The following WNT3 variants were observed in gnomAD, a reference collection of about 807,000 sequenced individuals.
WNT3 encodes the protein Wnt family member 3, also known as proto-oncogene Wnt-3.
In WNT3, 7 loss-of-function variants were observed where a neutral mutation model predicts 34.2. That is an observed-to-expected ratio of 0.20 (90% CI 0.12 to 0.38). The LOEUF is 0.38. Ranked by LOEUF, WNT3 falls within the 10% of genes least tolerant of loss-of-function variation. The probability of loss-of-function intolerance (pLI) is 1.00; values close to 1 mark genes in which losing one functional copy is unlikely to be tolerated. For missense variants in WNT3, 267 were observed against 499.8 expected, an observed-to-expected ratio of 0.53 and a Z score of 4.44; for synonymous variants, 212 against 211.5, an observed-to-expected ratio of 1.00 and a Z score of -0.02.
intron 1 of WNT3, among the ~76,000 whole-genome samples, chr17:46,784,910 G>C (rs1355636255): frequency 1.3e-5 from 2 of 151,890 alleles, no homozygotes; most frequent in East Asian, 3.9e-4. Context: ...CGAGTAGCTG[G>C]GACTACAGGC....
intron 1 of WNT3, among the ~76,000 whole-genome samples, chr17:46,784,898 C>T (rs1379550927): frequency 6.6e-6 from 1 of 151,988 alleles, no homozygotes; most frequent in East Asian, 1.9e-4. Context: ...GCCTCAGCCT[C>T]CCGAGTAGCT....
chr17:46,787,302 C>A (rs546480394), intron 1 of WNT3, among the ~76,000 whole-genome samples: 1 of 32,142 alleles, frequency 3.1e-5, no homozygotes, highest in Non-Finnish European at 6.6e-5. Context: ...TGGAGTAGGG[C>A]GGGGGCGGGG....
At chr17:46,785,255 C>T (rs866536352) in intron 1 of WNT3, among the ~76,000 whole-genome samples, 34 of 152,212 alleles carry the variant, frequency 2.2e-4, no homozygotes, top group African/African-American at 5.8e-4. Flanking sequence ...CTATCCCTCA[C>T]GTTGCCTCGG....
At chr17:46,781,835 C>T (rs773082590) in intron 1 of WNT3, among the ~76,000 whole-genome samples, 9 of 152,194 alleles carry the variant, frequency 5.9e-5, no homozygotes, top group Non-Finnish European at 1.0e-4. Flanking sequence ...AGTCTAATTC[C>T]CTCTTCCTCT....
At chr17:46,798,677 G>C (rs924732313) in intron 1 of WNT3, among the ~76,000 whole-genome samples, 1 of 152,148 alleles carries the variant, frequency 6.6e-6, no homozygotes, top group African/African-American at 2.4e-5. Context: ...TGCTTAGCAA[G>C]GGCTTACACA....
intron 1 of WNT3, among the ~76,000 whole-genome samples, chr17:46,782,111 G>T (rs915150379): frequency 8.5e-5 from 13 of 152,206 alleles, no homozygotes; most frequent in Admixed American, 2.6e-4. Flanking sequence ...CGGTCTCAGG[G>T]TGCTCTCCAG....
intron 1 of WNT3, among the ~76,000 whole-genome samples, chr17:46,791,086 G>A (rs772714636): frequency 2.0e-5 from 3 of 152,106 alleles, no homozygotes; most frequent in Non-Finnish European, 2.9e-5. Flanking sequence ...GTCTGCAAAG[G>A]TACAGGATGC....
chr17:46,767,391 C>A (rs2059322978), intron 4 of WNT3, among the ~76,000 whole-genome samples: 2 of 152,186 alleles, frequency 1.3e-5, no homozygotes, highest in South Asian at 4.1e-4. Context: ...GCCGCTTCCC[C>A]CCACCCACCT....
Position 46,763,716 on chromosome 17 carries a change from G to A in WNT3, c.*914C>T, listed in dbSNP as rs1326626659. On this transcript the variant is annotated 3_prime_UTR_variant, in exon 5 of 5. Transcript: ENST00000225512. The stretch of plus-strand genomic sequence containing the variant: ...GTACAGAGAATCTGCAGGTGAGCAG[G>A]GCTGGGAAGGACTGAATGGCCCCTT... 1 of 151,944 alleles carries A rather than the reference G, an allele frequency of 6.6e-6. No homozygotes were observed. The highest frequency in any genetic ancestry group is 1.5e-5 in the Non-Finnish European group (1 of 68,014). The allele number at this position is 151,944 out of a possible 1,614,324, so 9.4% of individuals were successfully genotyped here.
At position 46,773,869 on chromosome 17, in the gene WNT3, G is replaced by T; in HGVS notation, c.121C>A (p.Gln41Lys). 1 of 1,612,740 alleles carries T rather than the reference G, an allele frequency of 6.2e-7. No individual in the cohort carries two copies. The highest frequency in any genetic ancestry group is 8.5e-7 in the Non-Finnish European group (1 of 1,179,996). ...LGQQYTSLGSQPLLCGSIPGL... is the reference protein window; with the variant it reads ...LGQQYTSLGSKPLLCGSIPGL... The stretch of plus-strand genomic sequence containing the variant: ...GGGATGGAGCCGCAGAGCAGGGGCT[G>T]TGAGCCCAGAGATGTGTACTGCTGG... The change falls in exon 2 of 5, where the codon CAG (glutamine) becomes AAG (lysine). Residue 41 changes from glutamine to lysine, a missense_variant. By Grantham distance (53) the Gln-to-Lys change is moderately conservative (BLOSUM62 1). Coordinates refer to ENST00000225512, the MANE Select transcript of WNT3 (RefSeq NM_030753.5).
At chr17:46,779,549 C>T (rs2059442870) in intron 1 of WNT3, among the ~76,000 whole-genome samples, 1 of 152,196 alleles carries the variant, frequency 6.6e-6, no homozygotes, top group Non-Finnish European at 1.5e-5. Context: ...GGATGGGCTG[C>T]GGGTGCCCTG....
chr17:46,796,572 G>A (rs1475166568), intron 1 of WNT3, among the ~76,000 whole-genome samples: 1 of 152,180 alleles, frequency 6.6e-6, no homozygotes, highest in South Asian at 2.1e-4. Context: ...TCCCACTCGG[G>A]GCACACAGAG....
At chr17:46,793,857 C>T (rs866267192) in intron 1 of WNT3, among the ~76,000 whole-genome samples, 4 of 152,312 alleles carry the variant, frequency 2.6e-5, no homozygotes, top group Non-Finnish European at 4.4e-5. Flanking sequence ...AGATTGCCAT[C>T]GGCCAGGAAG....
intron 1 of WNT3, among the ~76,000 whole-genome samples, chr17:46,811,908 G>T (rs1318112093): frequency 6.6e-6 from 1 of 152,192 alleles, no homozygotes; most frequent in African/African-American, 2.4e-5. Context: ...AGTGAGCCAA[G>T]ATTGTGCCAC....
At chr17:46,802,852 C>T (rs1271563027) in intron 1 of WNT3, among the ~76,000 whole-genome samples, 1 of 152,142 alleles carries the variant, frequency 6.6e-6, no homozygotes, top group East Asian at 1.9e-4. Context: ...CTTGTAATAT[C>T]CTTTATAATA....
intron 1 of WNT3, among the ~76,000 whole-genome samples, chr17:46,810,498 A>G (rs2084260309): frequency 6.6e-6 from 1 of 152,134 alleles, no homozygotes; most frequent in South Asian, 2.1e-4. Context: ...CATGCCCACA[A>G]AGATTATTCC....
chr17:46,809,000 A>AC (rs1002286873), intron 1 of WNT3, among the ~76,000 whole-genome samples: 6 of 152,088 alleles, frequency 3.9e-5, no homozygotes, highest in Non-Finnish European at 5.9e-5. Flanking sequence ...GAGCAGACTG[A>AC]CCCCAGGTCA....
chr17:46,817,992 G>A (rs1223490295), intron 1 of WNT3, among the ~76,000 whole-genome samples: 1 of 152,174 alleles, frequency 6.6e-6, no homozygotes, highest in African/African-American at 2.4e-5. Flanking sequence ...CCACTCCCCT[G>A]CCCCGGGAGG....
chr17:46,799,231 G>A (rs1598787208), intron 1 of WNT3, among the ~76,000 whole-genome samples: 1 of 151,882 alleles, frequency 6.6e-6, no homozygotes, highest in Non-Finnish European at 1.5e-5. Context: ...CTCCCCACCC[G>A]CTTCTTTCTT....
Sources: allele counts gnomAD v4.1 joint callset (sites outside exome capture counted in the v4.1 genomes callset), GRCh38; gene constraint gnomAD v4.1.1; transcripts MANE v1.5; gene names NCBI Gene and HGNC (gene_info 2026-07-23, HGNC 2026-07-21).